CEP170B: variants seen among roughly 807,000 people sequenced by gnomAD.
CEP170B encodes centrosomal protein 170B.
CEP170B carries 55 observed loss-of-function variants against 120.6 expected under a neutral mutation model. The observed-to-expected ratio is 0.46, with a 90% confidence interval of 0.37 to 0.57. CEP170B has a LOEUF of 0.57. CEP170B is among the 20% of genes least tolerant of loss of function. The probability of loss-of-function intolerance (pLI) is 0.00; values close to 1 mark genes in which losing one functional copy is unlikely to be tolerated. For missense variants in CEP170B, 2,212 were observed against 2,253.3 expected (o/e 0.98, Z 0.37); for synonymous variants, 1,033 against 954.5 (o/e 1.08, Z -1.52).
chr14:104,865,290 A>T lies in CEP170B; in HGVS notation c.-251A>T, dbSNP rs1362806947. ...CGCAGACGTCAGGGACCCGCGCGCG[A>T]GGCCGCCGGCGGCCGCTCTGCCGTG... On this transcript the variant is annotated 5_prime_UTR_variant, in exon 1 of 19. Coordinates refer to ENST00000414716, the MANE Select transcript of CEP170B (RefSeq NM_001112726.3). The surrounding 1 kb of genome is among the most constrained non-coding windows in gnomAD (Gnocchi z 6.7). The T allele has an allele frequency of 6.9e-6, 1 of 144,090 alleles. No individual in the cohort carries two copies. The highest frequency in any genetic ancestry group is 2.5e-5 in the African/African-American group (1 of 39,364). 8.9% of individuals were successfully genotyped at this position (144,090 alleles called of 1,614,324 possible).
chr14:104,884,592 G>C (rs1318561773), intron 9 of CEP170B, 43 bp downstream of exon 9: 1 of 1,512,640 alleles, frequency 6.6e-7, no homozygotes, highest in African/African-American at 1.5e-5. Flanking sequence ...GGGAACGGGG[G>C]GGTGGAGGCG....
chr14:104,887,708 G>T lies in CEP170B; in HGVS notation c.3469G>T (p.Ala1157Ser). The change falls in exon 12 of 19, where the codon GCT (alanine) becomes TCT (serine). Residue 1157 changes from alanine to serine, a missense_variant. Physicochemically the swap from Ala to Ser is moderately conservative, Grantham distance 99. Around this residue, in one of 2 missense-constraint regions of CEP170B, gnomAD observed 2,166 missense variants for 2,166.7 expected, o/e 1.00. Coordinates refer to ENST00000414716, the MANE Select transcript of CEP170B (RefSeq NM_001112726.3). ...LGNPEPVGRP[A>S]AEQAKKLSRL... is the part of the protein sequence containing the mutation. Reference sequence around the variant, plus strand: ...CAACCCTGAGCCCGTGGGCCGGCCAGCTGCTGAGCAGGCCAAGAAGCTGTC... The same window carrying T: ...CAACCCTGAGCCCGTGGGCCGGCCATCTGCTGAGCAGGCCAAGAAGCTGTC... 1 of 1,586,210 alleles carries T rather than the reference G, an allele frequency of 6.3e-7. No homozygotes were observed. The highest frequency in any genetic ancestry group is 1.3e-5 in the African/African-American group (1 of 74,558).
At position 104,885,424 on chromosome 14, in the gene CEP170B, G is replaced by C. The variant is rs370708323; in HGVS notation, c.1826G>C (p.Arg609Pro). ...ELSRASSATF[R>P]PVIRGDRDES... ...TCCAGGGCATCTTCGGCCACCTTTCGCCCAGTCATCAGAGGGGACAGAGAT... is the reference window on the plus strand; with the variant it reads ...TCCAGGGCATCTTCGGCCACCTTTCCCCCAGTCATCAGAGGGGACAGAGAT... Residue 609 changes from arginine to proline, a missense_variant, in exon 10 of 19, where the codon CGC becomes CCC. Around this residue, in one of 2 missense-constraint regions of CEP170B, gnomAD observed 2,166 missense variants for 2,166.7 expected, o/e 1.00. Transcript: ENST00000414716. 1.3e-6 allele frequency: 2 copies of C among 1,565,664 alleles called. No individual in the cohort carries two copies. Among genetic ancestry groups the C allele is most frequent in the Non-Finnish European group, 1.7e-6 (2 of 1,155,804 alleles).
In CEP170B at chr14:104,867,512, C is replaced by T. The variant is rs934889385; in HGVS notation, c.-27-912C>T. On this transcript the variant is annotated intron_variant, in intron 1 of 18. Coordinates refer to ENST00000414716, the MANE Select transcript of CEP170B (RefSeq NM_001112726.3). The surrounding 1 kb of genome is among the most constrained non-coding windows in gnomAD (Gnocchi z 5.4). ...CCAGGCCGCCTAGCCCATAGCAGCA[C>T]TCAGGATGTGCTGGGCAGTGGGGTG... 2.0e-5 allele frequency among the ~76,000 whole-genome samples: 3 copies of T among 152,186 alleles called. No individual in the cohort carries two copies. Among genetic ancestry groups the T allele is most frequent in the Non-Finnish European group, 4.4e-5 (3 of 68,034 alleles).
chr14:104,885,242 G>A (rs72700189), intron 9 of CEP170B, 127 bp from the exon 10 acceptor site: 37,416 of 1,070,468 alleles, frequency 0.035, 772 homozygotes, highest in Middle Eastern at 0.061. Context: ...TGCATGTCCC[G>A]GCCACCAGCC....
At chr14:104,888,556 G>T (rs1896637683) in intron 12 of CEP170B, among the ~76,000 whole-genome samples, 1 of 152,256 alleles carries the variant, frequency 6.6e-6, no homozygotes, top group African/African-American at 2.4e-5. Context: ...AGCAAGCGGG[G>T]ATGGTCCTCT....
At position 104,889,671 on chromosome 14, in the gene CEP170B, C is replaced by G; in HGVS notation, c.3791C>G (p.Pro1264Arg). 1 of 1,612,174 alleles carries G rather than the reference C, an allele frequency of 6.2e-7. No homozygotes were observed. Among genetic ancestry groups the G allele is most frequent in the Non-Finnish European group, 8.5e-7 (1 of 1,179,718 alleles). The part of the protein sequence containing the change: ...GSSSRARSRA[P>R]GPRDTDDDEE... ...TCCAGCCGGGCTCGTTCCCGGGCCC[C>G]CGGCCCCCGGGACACGGACGACGAT... is the stretch of plus-strand genomic sequence containing the variant. Residue 1264 changes from proline to arginine, a missense_variant, in exon 13 of 19, where the codon CCC (proline) becomes CGC (arginine). This residue lies in a region of CEP170B where 2,166 missense variants were observed against 2,166.7 expected (regional missense o/e 1.00). Coordinates refer to ENST00000414716, the MANE Select transcript of CEP170B (RefSeq NM_001112726.3).
chr14:104,884,169 G>T lies in CEP170B; in HGVS notation c.1390G>T (p.Ala464Ser). The change falls in exon 9 of 19, where the codon GCC becomes TCC. Residue 464 changes from alanine (A) to serine (S), a missense_variant. Around this residue, in one of 2 missense-constraint regions of CEP170B, gnomAD observed 2,166 missense variants for 2,166.7 expected, o/e 1.00. Coordinates refer to ENST00000414716, the MANE Select transcript of CEP170B (RefSeq NM_001112726.3). ...GGGCCGCAGCTCGGGGCCACAGAGG[G>T]CCGGCTCGCTCAAGCGGGAGAAGAC... is the stretch of plus-strand genomic sequence containing the variant. Reference protein sequence around the residue: ...AGGRSSGPQRAGSLKREKTEE... With the variant: ...AGGRSSGPQRSGSLKREKTEE... 1 of 1,549,398 alleles carries T rather than the reference G, an allele frequency of 6.5e-7. No homozygotes were observed. The highest frequency in any genetic ancestry group is 8.7e-7 in the Non-Finnish European group (1 of 1,148,930).
intron 12 of CEP170B, among the ~76,000 whole-genome samples, chr14:104,888,217 G>A (rs1040867902): frequency 6.6e-6 from 1 of 152,230 alleles, no homozygotes; most frequent in African/African-American, 2.4e-5. Flanking sequence ...CATCTCTGGC[G>A]TGGAGAGGGC....
intron 6 of CEP170B, 38 bp downstream of exon 6, chr14:104,880,463 G>A (rs750022496): frequency 1.9e-6 from 3 of 1,599,896 alleles, no homozygotes; most frequent in Non-Finnish European, 8.5e-7. Flanking sequence ...AGCACACAGG[G>A]CCACTGCCAG....
intron 6 of CEP170B, among the ~76,000 whole-genome samples, chr14:104,881,024 C>T (rs1896126550): frequency 6.6e-6 from 1 of 152,176 alleles, no homozygotes; most frequent in Non-Finnish European, 1.5e-5. Context: ...ACCCTCTGTC[C>T]CCAGTGGTGA....
chr14:104,886,721 C>T lies in CEP170B; in HGVS notation c.2482C>T (p.Pro828Ser). The T allele has an allele frequency of 6.2e-7, 1 of 1,601,134 alleles. No individual in the cohort carries two copies. ...DGEGLGQTAQ[P>S]SPPARDGVYV... ...GGAGGGCCTAGGGCAGACAGCCCAG[C>T]CCAGCCCCCCAGCACGGGATGGCGT... is the stretch of plus-strand genomic sequence containing the variant. Residue 828 changes from proline (P) to serine (S), a missense_variant, in exon 12 of 19, where the codon CCC becomes TCC. Transcript: ENST00000414716.
At position 104,887,238 on chromosome 14, in the gene CEP170B, T is replaced by C. The variant is rs372950782; in HGVS notation, c.2999T>C (p.Leu1000Pro). 4.4e-6 allele frequency: 7 copies of C among 1,606,560 alleles called. No homozygotes were observed. Among genetic ancestry groups the C allele is most frequent in the Non-Finnish European group, 5.9e-6 (7 of 1,179,526 alleles). The change falls in exon 12 of 19, where the codon CTG (leucine) becomes CCG (proline). Residue 1000 changes from leucine (L) to proline (P), a missense_variant. By Grantham distance (98) the Leu-to-Pro change is moderately conservative. Around this residue, in one of 2 missense-constraint regions of CEP170B, gnomAD observed 2,166 missense variants for 2,166.7 expected, o/e 1.00. Transcript: ENST00000414716. ...GCACAGGACCCGGGAGGCACCGCCC[T>C]GGTCAGTGCCCGTGAGCAGTCCTCA... ...PAAQDPGGTA[L>P]VSAREQSSER...
Position 104,877,861 on chromosome 14 carries a change from C to T in CEP170B, c.196-24C>T, listed in dbSNP as rs539615098. 1.8e-5 allele frequency: 21 copies of T among 1,175,834 alleles called. 1 individual carries two copies. The highest frequency in any genetic ancestry group is 5.9e-5 in the South Asian group (4 of 67,822). The allele number at this position is 1,175,834 out of a possible 1,614,324, so 72.8% of individuals were successfully genotyped here. Reference sequence around the variant, plus strand: ...ACCCACCCGCGCAGCTCCCCCCCCCCCCCCGCCACCTGTTTTCCTGCAGAC... The same window carrying T: ...ACCCACCCGCGCAGCTCCCCCCCCCTCCCCGCCACCTGTTTTCCTGCAGAC... On this transcript the variant is annotated intron_variant, in intron 3 of 18. Transcript: ENST00000414716.
rs1225289852 is a variant in CEP170B at position 104,886,260 on chromosome 14, C to T, written c.2036-15C>T. ...GACCAGCGGCCCTCTAACCGGCTGC[C>T]TTTGTGCTCCACAGAGGATGGCCTG... On this transcript the variant is annotated splice_polypyrimidine_tract_variant and intron_variant, in intron 11 of 18. Transcript: ENST00000414716. 2.0e-6 allele frequency: 3 copies of T among 1,508,728 alleles called. No homozygotes were observed. The highest frequency in any genetic ancestry group is 2.6e-6 in the Non-Finnish European group (3 of 1,133,336). The allele number at this position is 1,508,728 out of a possible 1,614,324, so 93.5% of individuals were successfully genotyped here.
Position 104,887,952 on chromosome 14 carries a change from G to A in CEP170B, c.3713G>A (p.Arg1238His), listed in dbSNP as rs746767218. The A allele has an allele frequency of 9.0e-5, 138 of 1,531,660 alleles. No individual in the cohort carries two copies. The highest frequency in any genetic ancestry group is 8.5e-4 in the Middle Eastern group (5 of 5,884). The allele number at this position is 1,531,660 out of a possible 1,614,324, so 94.9% of individuals were successfully genotyped here. ...CCCCGCCAGCCCTTCAGCAGGGCCC[G>A]CTCAGGCAGTGCCCGATACACCTCC... is the stretch of plus-strand genomic sequence containing the variant. ...TGPRQPFSRARSGSARYTSTT... is the reference protein window; with the variant it reads ...TGPRQPFSRAHSGSARYTSTT... Residue 1238 changes from arginine (R) to histidine (H), a missense_variant, in exon 12 of 19, where the codon CGC becomes CAC. By Grantham distance (29) the Arg-to-His change is conservative. Transcript: ENST00000414716.
At chr14:104,893,487 G>A in intron 14 of CEP170B, 36 bp from the exon 15 acceptor site, 1 of 1,580,596 alleles carries the variant, frequency 6.3e-7, no homozygotes, top group Non-Finnish European at 8.6e-7. Context: ...AGGAGCCTCT[G>A]CCTGGGGCCC....
Position 104,894,848 on chromosome 14 carries a change from G to T in CEP170B, c.4555G>T (p.Ala1519Ser). 6.2e-7 allele frequency: 1 copy of T among 1,609,674 alleles called. No homozygotes were observed. Among genetic ancestry groups the T allele is most frequent in the Non-Finnish European group, 8.5e-7 (1 of 1,178,848 alleles). The change falls in exon 19 of 19, where the codon GCC (alanine) becomes TCC (serine). Residue 1519 changes from alanine (A) to serine (S), a missense_variant. Ala to Ser is a moderately conservative substitution (Grantham distance 99). Coordinates refer to ENST00000414716, the MANE Select transcript of CEP170B (RefSeq NM_001112726.3). ...QSPPSPASAE[A>S]LLPALPLRNF... The stretch of plus-strand genomic sequence containing the variant: ...CCCACCCTCACCCGCCTCAGCCGAG[G>T]CCCTGCTGCCAGCCCTGCCCCTGAG...
chr14:104,883,185 C>T lies in CEP170B; in HGVS notation c.728C>T (p.Pro243Leu), dbSNP rs369614486. Residue 243 changes from proline to leucine, a missense_variant, in exon 8 of 19, where the codon CCG becomes CTG. Coordinates refer to ENST00000414716, the MANE Select transcript of CEP170B (RefSeq NM_001112726.3). ...CAGCCGTCGCAGCCCCCCGAGGTGC[C>T]GGCACACGAGATGCCCACGAAGGAT... is the stretch of plus-strand genomic sequence containing the variant. ...TPQPSQPPEV[P>L]AHEMPTKDAE... The T allele has an allele frequency of 3.5e-5, 56 of 1,609,712 alleles. No individual in the cohort carries two copies. The highest frequency in any genetic ancestry group is 4.1e-5 in the Non-Finnish European group (48 of 1,179,116).
Sources: gnomAD v4.1 joint callset for allele counts (sites outside exome capture counted in the v4.1 genomes callset) on GRCh38, gnomAD v4.1.1 for gene constraint, gnomAD v4.1.1 regional missense constraint, Gnocchi (gnomAD v3.1) non-coding constraint, MANE v1.5 for transcripts, NCBI Gene and HGNC (gene_info 2026-07-23, HGNC 2026-07-21) for gene names.